Variants in PPP2R2B observed in about 807,000 individuals in gnomAD.
The protein encoded by PPP2R2B is serine/threonine-protein phosphatase 2A 55 kDa regulatory subunit B beta isoform.
PPP2R2B carries 5 observed loss-of-function variants against 46.0 expected under a neutral mutation model. That is an observed-to-expected ratio of 0.11 (90% CI 0.06 to 0.23). The LOEUF is 0.23. Among genes scored for constraint, PPP2R2B ranks in the 10% least tolerant of loss-of-function variants. The probability of loss-of-function intolerance (pLI) is 1.00; values close to 1 mark genes in which losing one functional copy is unlikely to be tolerated. For missense variants in PPP2R2B, 367 were observed against 575.0 expected, an observed-to-expected ratio of 0.64 and a Z score of 3.70; for synonymous variants, 215 against 206.7, an observed-to-expected ratio of 1.04 and a Z score of -0.34.
At chr5:146,647,797 G>A (rs1344172141) in intron 6 of PPP2R2B, among the ~76,000 whole-genome samples, 1 of 152,188 alleles carries the variant, frequency 6.6e-6, no homozygotes, top group African/African-American at 2.4e-5. Flanking sequence ...TCTTGGAATA[G>A]ATGGAGAGAG....
chr5:146,664,666 T>A (rs763075092), intron 5 of PPP2R2B, among the ~76,000 whole-genome samples: 24 of 152,168 alleles, frequency 1.6e-4, no homozygotes, highest in Non-Finnish European at 2.9e-4. Context: ...AAATCATGAA[T>A]GTTCTTAATG....
chr5:146,826,289 T>C (rs538409310), intron 2 of PPP2R2B, among the ~76,000 whole-genome samples: 6 of 152,166 alleles, frequency 3.9e-5, no homozygotes, highest in Non-Finnish European at 5.9e-5. Context: ...TTCTCAACCA[T>C]CATGCCTACA....
At chr5:146,989,779 C>T (rs979800577) in intron 1 of PPP2R2B, among the ~76,000 whole-genome samples, 2 of 151,802 alleles carry the variant, frequency 1.3e-5, no homozygotes, top group African/African-American at 4.8e-5. Context: ...ACAAAGGGCA[C>T]CCAAATTTTA....
chr5:146,788,255 C>A (rs1324597959), intron 2 of PPP2R2B, among the ~76,000 whole-genome samples: 2 of 151,808 alleles, frequency 1.3e-5, no homozygotes, highest in African/African-American at 4.8e-5. Context: ...TGGCTTCAAT[C>A]TCCTCTGCCC....
chr5:147,030,968 G>T (rs1292275634), intron 1 of PPP2R2B, among the ~76,000 whole-genome samples: 1 of 152,162 alleles, frequency 6.6e-6, no homozygotes, highest in African/African-American at 2.4e-5. Flanking sequence ...CGTGCGCGGT[G>T]GCTCACGCCT....
intron 1 of PPP2R2B, among the ~76,000 whole-genome samples, chr5:146,948,352 T>C (rs939024544): frequency 6.6e-6 from 1 of 152,064 alleles, no homozygotes; most frequent in Non-Finnish European, 1.5e-5. Flanking sequence ...CGAGGGATAA[T>C]GTTAATACCT....
chr5:146,669,327 G>T (rs1777196425), intron 5 of PPP2R2B, among the ~76,000 whole-genome samples: 1 of 151,942 alleles, frequency 6.6e-6, no homozygotes, highest in African/African-American at 2.4e-5. Context: ...ATGGGGGAGG[G>T]GAGTTAATCT....
chr5:146,680,554 T>A (rs1334518795), intron 5 of PPP2R2B, among the ~76,000 whole-genome samples: 1 of 149,894 alleles, frequency 6.7e-6, no homozygotes, highest in African/African-American at 2.5e-5. Flanking sequence ...ATAATAATAA[T>A]AAAAAAAACC....
At chr5:146,993,710 TC>T (rs1241356717) in intron 1 of PPP2R2B, among the ~76,000 whole-genome samples, 1 of 152,184 alleles carries the variant, frequency 6.6e-6, no homozygotes, top group Non-Finnish European at 1.5e-5. Context: ...AAGGACTGCC[TC>T]CTAGCTCACA....
chr5:146,888,835 C>T (rs1762407349), intron 1 of PPP2R2B, among the ~76,000 whole-genome samples: 1 of 152,210 alleles, frequency 6.6e-6, no homozygotes, highest in South Asian at 2.1e-4. Flanking sequence ...ACCAGCATAG[C>T]TCAGTGCTTT....
intron 1 of PPP2R2B, among the ~76,000 whole-genome samples, chr5:147,039,294 T>C (rs1406054928): frequency 2.6e-5 from 4 of 152,298 alleles, no homozygotes; most frequent in Admixed American, 2.0e-4. Context: ...ATGTTCCCCA[T>C]GGCTATTTTC....
upstream of PPP2R2B, among the ~76,000 whole-genome samples, chr5:146,882,942 A>T (rs533260620): frequency 2.6e-5 from 4 of 152,174 alleles, no homozygotes; most frequent in South Asian, 8.3e-4. Context: ...CGTTTTTTTA[A>T]CCACCCTTGT....
At chr5:146,817,024 G>T (rs572832164) in intron 2 of PPP2R2B, among the ~76,000 whole-genome samples, 2 of 152,310 alleles carry the variant, frequency 1.3e-5, no homozygotes, top group Middle Eastern at 3.4e-3. Context: ...GACCCTGGAG[G>T]CTTGTTGTGA....
chr5:146,951,659 C>T (rs1021491069), intron 1 of PPP2R2B, among the ~76,000 whole-genome samples: 3 of 151,996 alleles, frequency 2.0e-5, no homozygotes, highest in African/African-American at 7.3e-5. Context: ...TGAGTCCAAG[C>T]TTCATCCATG....
At chr5:146,676,833 T>C (rs1409212438) in intron 5 of PPP2R2B, among the ~76,000 whole-genome samples, 2 of 152,200 alleles carry the variant, frequency 1.3e-5, no homozygotes, top group Admixed American at 6.5e-5. Context: ...GTTTTTAAAA[T>C]GCATAGCAAG....
chr5:147,010,509 G>A (rs879949333), intron 1 of PPP2R2B, among the ~76,000 whole-genome samples: 8 of 152,086 alleles, frequency 5.3e-5, no homozygotes, highest in African/African-American at 1.9e-4. Flanking sequence ...AGATTTTCAG[G>A]CATTAGATCC....
intron 2 of PPP2R2B, among the ~76,000 whole-genome samples, chr5:147,064,519 G>T (rs563643228): frequency 6.6e-6 from 1 of 152,290 alleles, no homozygotes; most frequent in African/African-American, 2.4e-5. Context: ...AGAGACCTGG[G>T]CTGTGATAAT....
intron 1 of PPP2R2B, among the ~76,000 whole-genome samples, chr5:146,943,776 C>A (rs141831559): frequency 7.9e-4 from 120 of 152,290 alleles, no homozygotes; most frequent in Non-Finnish European, 1.4e-3. Context: ...ATCCAGCTTA[C>A]TGAAACAAGC....
intron 2 of PPP2R2B, among the ~76,000 whole-genome samples, chr5:146,783,047 A>G (rs546128736): frequency 8.5e-5 from 13 of 152,354 alleles, no homozygotes; most frequent in African/African-American, 2.9e-4. Flanking sequence ...GTAAGTAGGT[A>G]TAGGAAGAGT....
Sources: gnomAD v4.1 joint callset for allele counts (sites outside exome capture counted in the v4.1 genomes callset) on GRCh38, gnomAD v4.1.1 for gene constraint, MANE v1.5 for transcripts, NCBI Gene and HGNC (gene_info 2026-07-23, HGNC 2026-07-21) for gene names.